ASH1L: variants seen among roughly 807,000 people sequenced by gnomAD.
The protein encoded by ASH1L is histone-lysine N-methyltransferase ASH1L.
ASH1L carries 23 observed loss-of-function variants against 269.0 expected under a neutral mutation model. The ratio of observed to expected loss-of-function variants is 0.09; its 90% confidence interval spans 0.06 to 0.12. The LOEUF is 0.12. Ranked by LOEUF, ASH1L falls within the 10% of genes least tolerant of loss-of-function variation. ASH1L has a pLI of 1.00. For synonymous variants in ASH1L, 1,187 were observed against 1,253.5 expected, an observed-to-expected ratio of 0.95 and a Z score of 1.12; for missense variants, 2,912 against 3,567.8, an observed-to-expected ratio of 0.82 and a Z score of 4.68.
chr1:155,501,496 A>G (rs1667498216), intron 2 of ASH1L, among the ~76,000 whole-genome samples: 1 of 152,064 alleles, frequency 6.6e-6, no homozygotes, highest in African/African-American at 2.4e-5. Flanking sequence ...CCATCCCTCC[A>G]AGTAGCTGGG....
chr1:155,378,269 G>A lies in ASH1L; in HGVS notation c.6332+12C>T. On this transcript the variant is annotated intron_variant, in intron 10 of 27. Transcript: ENST00000392403. ...AAGCCTATGCTTTAGAGAAATCAAA[G>A]CATGACAGTACCTATTGAGGCAGTC... The A allele has an allele frequency of 6.2e-7, 1 of 1,600,972 alleles. No homozygotes were observed.
At chr1:155,352,930 T>G in intron 16 of ASH1L, 72 bp from the exon 17 acceptor site, 1 of 1,402,238 alleles carries the variant, frequency 7.1e-7, no homozygotes, top group Non-Finnish European at 9.7e-7. Context: ...TCCCAATGGA[T>G]TCCTGCCATT....
intron 3 of ASH1L, among the ~76,000 whole-genome samples, chr1:155,471,837 C>G (rs1665123016): frequency 6.6e-6 from 1 of 152,226 alleles, no homozygotes; most frequent in African/African-American, 2.4e-5. Flanking sequence ...CATCTGCAGT[C>G]TCATGATGAA....
At chr1:155,483,728 CT>C (rs1666113318) in intron 2 of ASH1L, among the ~76,000 whole-genome samples, 1 of 150,726 alleles carries the variant, frequency 6.6e-6, no homozygotes, top group Admixed American at 6.6e-5. Context: ...AAAAAAAACC[CT>C]AAAAAAATCC....
At position 155,415,858 on chromosome 1, in the gene ASH1L, T is replaced by C. The variant is rs767833432; in HGVS notation, c.5894A>G (p.Glu1965Gly). 4.3e-6 allele frequency: 7 copies of C among 1,613,798 alleles called. No individual in the cohort carries two copies. Among genetic ancestry groups the C allele is most frequent in the Non-Finnish European group, 5.1e-6 (6 of 1,179,954 alleles). Residue 1965 changes from glutamate (E) to glycine (G), a missense_variant, in exon 6 of 28, where the codon GAA becomes GGA. Transcript: ENST00000392403. ...AGAAAGCACAGGCTGCAAGGTACTT[T>C]CAGGTTCAGAAGGTTTAGCTGGGGT... is the stretch of plus-strand genomic sequence containing the variant. ...SETPAKPSEP[E>G]STLQPVLSLI...
Position 155,478,535 on chromosome 1 carries a change from C to G in ASH1L, c.4335G>C (p.Lys1445Asn). ...TAAGAAAGGCCTCCTGTCGAAGTAG[C>G]TTATGCTTTTTCTTATGGTATTTGG... ...NPAKYHKKKH[K>N]LLRQEAFLTT... The change falls in exon 3 of 28, where the codon AAG (lysine) becomes AAC (asparagine). Residue 1445 changes from lysine to asparagine, a missense_variant. By Grantham distance (94) the Lys-to-Asn change is moderately conservative (BLOSUM62 0). Transcript: ENST00000392403. This position sits in a 1 kb window ranked among gnomAD's most constrained non-coding sequence, Gnocchi z 4.6. The G allele has an allele frequency of 6.2e-7, 1 of 1,614,054 alleles. No homozygotes were observed. Among genetic ancestry groups the G allele is most frequent in the South Asian group, 1.1e-5 (1 of 91,078 alleles).
At chr1:155,497,624 C>G (rs866380738) in intron 2 of ASH1L, among the ~76,000 whole-genome samples, 19 of 152,224 alleles carry the variant, frequency 1.2e-4, no homozygotes, top group Middle Eastern at 3.4e-3. Flanking sequence ...CAGTTACGTT[C>G]TGGGGGAGTC....
At chr1:155,344,582 C>CACCAG in intron 21 of ASH1L, 1 of 218,760 alleles carries the variant, frequency 4.6e-6, no homozygotes. Context: ...GGGTATGCTA[C>CACCAG]TGGTATTTAA....
chr1:155,367,864 T>C (rs532181283), intron 12 of ASH1L, among the ~76,000 whole-genome samples: 2 of 152,354 alleles, frequency 1.3e-5, no homozygotes, highest in South Asian at 2.1e-4. Context: ...TATTTGTTGA[T>C]ATTTTATTTA....
In ASH1L at chr1:155,347,152, G is replaced by A. The variant is rs12562734; in HGVS notation, c.7803+504C>T. On this transcript the variant is annotated intron_variant, in intron 20 of 27. Coordinates refer to ENST00000392403, the MANE Select transcript of ASH1L (RefSeq NM_018489.3). Reference sequence around the variant, plus strand: ...GGTGGCTCATGCCTGTAATCCCAACGCTCTGGGAGGCCGAGGTGGGCAGAT... The same window carrying A: ...GGTGGCTCATGCCTGTAATCCCAACACTCTGGGAGGCCGAGGTGGGCAGAT... 7.5e-4 allele frequency among the ~76,000 whole-genome samples: 114 copies of A among 152,222 alleles called. No individual in the cohort carries two copies. The East Asian group carries it at 0.02, about 27-fold the overall frequency.
At chr1:155,467,817 T>C (rs139733584) in intron 3 of ASH1L, among the ~76,000 whole-genome samples, 3 of 152,304 alleles carry the variant, frequency 2.0e-5, no homozygotes, top group Admixed American at 2.0e-4. Context: ...GTTTGAGATA[T>C]GTTTTACTTA....
chr1:155,493,124 C>A (rs777286507), intron 2 of ASH1L, among the ~76,000 whole-genome samples: 1 of 152,182 alleles, frequency 6.6e-6, no homozygotes, highest in Admixed American at 6.5e-5. Context: ...ACCAAATTCA[C>A]CCTTTTAAAG....
At chr1:155,465,636 C>A (rs537818880) in intron 3 of ASH1L, among the ~76,000 whole-genome samples, 2 of 152,228 alleles carry the variant, frequency 1.3e-5, no homozygotes, top group Non-Finnish European at 2.9e-5. Context: ...TTCCTTCCCA[C>A]CAAAATTAAA....
chr1:155,496,804 A>ATT (rs796469141), intron 2 of ASH1L, among the ~76,000 whole-genome samples: 2 of 144,468 alleles, frequency 1.4e-5, no homozygotes, highest in South Asian at 4.4e-4. Context: ...ACGCTTGGCT[A>ATT]TTTTTTTTTT....
chr1:155,447,792 T>C (rs943239856), intron 4 of ASH1L, among the ~76,000 whole-genome samples: 1 of 152,208 alleles, frequency 6.6e-6, no homozygotes, highest in Non-Finnish European at 1.5e-5. Context: ...TTGCAAATAT[T>C]TTCTCCCATT....
At chr1:155,515,720 CA>C (rs1668456206) in intron 2 of ASH1L, among the ~76,000 whole-genome samples, 1 of 151,246 alleles carries the variant, frequency 6.6e-6, no homozygotes, top group Non-Finnish European at 1.5e-5. Context: ...CCCAGCTACT[CA>C]GGAGGCTGAG....
At chr1:155,461,219 G>C (rs1456707773) in intron 3 of ASH1L, among the ~76,000 whole-genome samples, 2 of 152,196 alleles carry the variant, frequency 1.3e-5, no homozygotes, top group Non-Finnish European at 2.9e-5. Flanking sequence ...ACTGAATGGA[G>C]CTAAGTTGCT....
intron 7 of ASH1L, among the ~76,000 whole-genome samples, chr1:155,392,098 A>G (rs1657980428): frequency 6.6e-6 from 1 of 152,196 alleles, no homozygotes; most frequent in South Asian, 2.1e-4. Flanking sequence ...TGAAATCCCT[A>G]CTTAGTATCT....
chr1:155,541,326 T>A (rs1238468255), intron 1 of ASH1L, among the ~76,000 whole-genome samples: 1 of 151,974 alleles, frequency 6.6e-6, no homozygotes, highest in Non-Finnish European at 1.5e-5. Context: ...TTGATATTTT[T>A]CTTTAAATAT....
Sources: allele counts gnomAD v4.1 joint callset (sites outside exome capture counted in the v4.1 genomes callset), GRCh38; gene constraint gnomAD v4.1.1; non-coding constraint Gnocchi (gnomAD v3.1); transcripts MANE v1.5; gene names NCBI Gene and HGNC (gene_info 2026-07-23, HGNC 2026-07-21).